Variants in YEATS4 observed in about 807,000 individuals in gnomAD.
YEATS4 encodes the protein YEATS domain containing 4, also known as YEATS domain-containing protein 4.
YEATS4 carries 17 observed loss-of-function variants against 30.1 expected under a neutral mutation model. The ratio of observed to expected loss-of-function variants is 0.56; its 90% CI spans 0.39 to 0.85. YEATS4 has a LOEUF of 0.85. Ranked by LOEUF, YEATS4 falls within the 40% of genes least tolerant of loss-of-function variation. YEATS4 has a pLI of 0.00. For missense variants in YEATS4, 142 were observed against 268.3 expected (o/e 0.53, Z 3.29); for synonymous variants, 85 against 87.5 (o/e 0.97, Z 0.16).
At chr12:69,370,091 CTGA>C (rs2120949459) in intron 4 of YEATS4, among the ~76,000 whole-genome samples, 1 of 152,282 alleles carries the variant, frequency 6.6e-6, no homozygotes, top group East Asian at 1.9e-4. Flanking sequence ...AACATGAAGT[CTGA>C]TGTTTTCCGA....
chr12:69,374,627 C>T (rs890931703), intron 6 of YEATS4, among the ~76,000 whole-genome samples: 1 of 150,698 alleles, frequency 6.6e-6, no homozygotes, highest in Non-Finnish European at 1.5e-5. Flanking sequence ...ATCTGTTTAA[C>T]AAAGCACATC....
intron 4 of YEATS4, among the ~76,000 whole-genome samples, chr12:69,367,899 C>T (rs17813323): frequency 0.027 from 4,120 of 152,240 alleles, 77 homozygotes; most frequent in Middle Eastern, 0.054. Context: ...AATATGCTGC[C>T]TTACCTCCCT....
chr12:69,408,627 G>A, the YEATS4 span, among the ~76,000 whole-genome samples: 1 of 152,164 alleles, frequency 6.6e-6, no homozygotes, highest in Admixed American at 6.5e-5. Flanking sequence ...CAGTCAAGAG[G>A]CACCTTCCAG....
intron 6 of YEATS4, among the ~76,000 whole-genome samples, chr12:69,383,372 G>C (rs1667676580): frequency 6.6e-6 from 1 of 152,300 alleles, no homozygotes; most frequent in Non-Finnish European, 1.5e-5. Context: ...GAGAGGAGAA[G>C]TGTAGGCTGG....
downstream of YEATS4, among the ~76,000 whole-genome samples, chr12:69,391,821 G>A (rs568634693): frequency 1.3e-5 from 2 of 152,306 alleles, no homozygotes; most frequent in South Asian, 2.1e-4. Context: ...CATTCTACTT[G>A]AGGAGTTGGC....
the YEATS4 span, among the ~76,000 whole-genome samples, chr12:69,419,344 TTTAGTAGCTGTGGCTACAG>T: frequency 4.6e-5 from 7 of 151,828 alleles, no homozygotes; most frequent in South Asian, 1.5e-3. Context: ...CCTCAGCCTC[TTTAGTAGCTGTGGCTACAG>T]TTGTGCCCCA....
downstream of YEATS4, among the ~76,000 whole-genome samples, chr12:69,391,917 GT>G (rs2121093604): frequency 6.6e-6 from 1 of 152,258 alleles, no homozygotes; most frequent in Non-Finnish European, 1.5e-5. Flanking sequence ...ATGTAGGTAG[GT>G]CTGACTTCAT....
the YEATS4 span, among the ~76,000 whole-genome samples, chr12:69,416,381 T>C: frequency 6.6e-6 from 1 of 152,194 alleles, no homozygotes; most frequent in Non-Finnish European, 1.5e-5. Flanking sequence ...TGCAACTACA[T>C]ACGGAACTGG....
At chr12:69,384,941 C>A (rs1167056375) in intron 6 of YEATS4, among the ~76,000 whole-genome samples, 1 of 152,148 alleles carries the variant, frequency 6.6e-6, no homozygotes, top group Non-Finnish European at 1.5e-5. Context: ...ATATCTGGCC[C>A]TGCTAATAAT....
chr12:69,418,428 G>A, the YEATS4 span, among the ~76,000 whole-genome samples: 2 of 151,966 alleles, frequency 1.3e-5, no homozygotes, highest in Non-Finnish European at 2.9e-5. Flanking sequence ...CTCCAGCCTG[G>A]GTGACAGAGT....
At chr12:69,364,703 T>C (rs1324150844) in intron 2 of YEATS4, among the ~76,000 whole-genome samples, 1 of 152,180 alleles carries the variant, frequency 6.6e-6, no homozygotes, top group African/African-American at 2.4e-5. Flanking sequence ...TATTGCAACC[T>C]CCGCCTCCTG....
At chr12:69,417,856 G>GAA in the YEATS4 span, among the ~76,000 whole-genome samples, 28 of 101,954 alleles carry the variant, frequency 2.7e-4, no homozygotes, top group African/African-American at 3.6e-4. Context: ...TTACAATAGG[G>GAA]AAAAAAAAAA....
At chr12:69,408,847 T>C in the YEATS4 span, among the ~76,000 whole-genome samples, 14 of 152,178 alleles carry the variant, frequency 9.2e-5, no homozygotes, top group African/African-American at 3.4e-4. Context: ...CAGGGGCCTT[T>C]TCCTGTCTTA....
intron 6 of YEATS4, among the ~76,000 whole-genome samples, chr12:69,383,616 C>G (rs1172101347): frequency 6.6e-6 from 1 of 152,132 alleles, no homozygotes; most frequent in Non-Finnish European, 1.5e-5. Context: ...GTATCAGGAA[C>G]TAGAGAGTGT....
chr12:69,378,763 G>A (rs189472649), intron 6 of YEATS4, among the ~76,000 whole-genome samples: 41 of 151,982 alleles, frequency 2.7e-4, no homozygotes, highest in African/African-American at 7.5e-4. Context: ...ATTTTTGATC[G>A]GTTCATCTTT....
At chr12:69,363,077 C>T (rs1374416228) in intron 2 of YEATS4, 170 bp downstream of exon 2, 3 of 442,760 alleles carry the variant, frequency 6.8e-6, no homozygotes, top group African/African-American at 6.4e-5. Flanking sequence ...ACTGCAAGCT[C>T]CGCCTCCCGG....
chr12:69,380,591 G>A (rs1162889418), intron 6 of YEATS4, among the ~76,000 whole-genome samples: 1 of 152,196 alleles, frequency 6.6e-6, no homozygotes. Context: ...AAGGCCCACT[G>A]TAACCGCTGC....
the YEATS4 span, among the ~76,000 whole-genome samples, chr12:69,412,648 G>A: frequency 5.9e-5 from 9 of 152,096 alleles, no homozygotes; most frequent in South Asian, 4.2e-4. Flanking sequence ...GCAAGACTCC[G>A]TCTCAAAACA....
In YEATS4 at chr12:69,390,496, G is replaced by A. The variant is rs1026119089; in HGVS notation, c.*180G>A. The stretch of plus-strand genomic sequence containing the variant: ...TTAAGCAATCTTTAATGGAAAATAT[G>A]TGTGTAAGAATGGATGCTATATAGG... On this transcript the variant is annotated 3_prime_UTR_variant, in exon 7 of 7. Coordinates refer to ENST00000247843, the MANE Select transcript of YEATS4 (RefSeq NM_006530.4). 1 of 486,858 alleles carries A rather than the reference G, an allele frequency of 2.1e-6. No individual in the cohort carries two copies. 30.2% of individuals were successfully genotyped at this position (486,858 alleles called of 1,614,324 possible). A position where few individuals can be genotyped will look rare whatever the true frequency, so the allele number is the denominator to read the frequency against.
Sources: gnomAD v4.1 joint callset for allele counts (sites outside exome capture counted in the v4.1 genomes callset) on GRCh38, gnomAD v4.1.1 for gene constraint, MANE v1.5 for transcripts, NCBI Gene and HGNC (gene_info 2026-07-23, HGNC 2026-07-21) for gene names.